The following OTOA variants were observed in gnomAD, a reference collection of about 807,000 sequenced individuals.
OTOA encodes the protein cancer/testis antigen 108.
Under a neutral mutation model 110.8 loss-of-function variants are expected in OTOA, and 70 were observed. That is an observed-to-expected ratio of 0.63 (90% CI 0.52 to 0.77). OTOA has a LOEUF of 0.77. Among genes scored for constraint, OTOA ranks in the 30% least tolerant of loss-of-function variants. The pLI is 0.00. For missense variants in OTOA, 917 were observed against 1,075.8 expected, an observed-to-expected ratio of 0.85 and a Z score of 2.06; for synonymous variants, 373 against 431.5, an observed-to-expected ratio of 0.86 and a Z score of 1.68.
chr16:21,689,382 T>C (rs999830309), intron 8 of OTOA, among the ~76,000 whole-genome samples: 2 of 152,146 alleles, frequency 1.3e-5, no homozygotes, highest in African/African-American at 4.8e-5. Flanking sequence ...TATTATACTA[T>C]TCCTTTTAAA....
chr16:21,707,625 CTT>C (rs985455327), intron 12 of OTOA, among the ~76,000 whole-genome samples: 1 of 95,424 alleles, frequency 1.0e-5, no homozygotes, highest in African/African-American at 3.1e-5. Flanking sequence ...TTCTTTCTTT[CTT>C]TCTTTCTTTC....
At chr16:21,716,849 T>C in intron 14 of OTOA, 58 bp from the exon 15 acceptor site, 1 of 1,607,404 alleles carries the variant, frequency 6.2e-7, no homozygotes, top group Non-Finnish European at 8.5e-7. Flanking sequence ...GCCTGGCCCT[T>C]CCTCAAAGCT....
chr16:21,695,224 A>AC lies in OTOA; in HGVS notation c.740-2539dup, dbSNP rs34769468. On this transcript the variant is annotated intron_variant, in intron 9 of 28. Transcript: ENST00000646100. ...AGGCCAGCCTGGGCAATGTAGTGAG[A>AC]CCCCCCCCCCCCATACAAAAAAATT... is the stretch of plus-strand genomic sequence containing the variant. 8.1e-3 allele frequency among the ~76,000 whole-genome samples: 1,037 copies of AC among 128,460 alleles called. 8 individuals carry two copies. Among genetic ancestry groups the AC allele is most frequent in the African/African-American group, 0.024 (780 of 32,742 alleles). The allele number at this position is 128,460 out of a possible 152,430, so 84.3% of individuals were successfully genotyped here. A position where few individuals can be genotyped will look rare whatever the true frequency, so the allele number is the denominator to read the frequency against.
At chr16:21,753,000 AC>A (rs751596072) in intron 26 of OTOA, 26 bp from the exon 27 acceptor site, 1 of 794,960 alleles carries the variant, frequency 1.3e-6, no homozygotes, top group South Asian at 1.4e-5. Flanking sequence ...CTTGAACTAA[AC>A]CCCCGTGATT....
At chr16:21,678,969 A>G in intron 3 of OTOA, 26 bp downstream of exon 3, 1 of 1,613,938 alleles carries the variant, frequency 6.2e-7, no homozygotes, top group African/African-American at 1.3e-5. Flanking sequence ...TCTGTTAATC[A>G]GAGTCCCCTC....
chr16:21,720,380 C>G (rs1033708857), intron 17 of OTOA, among the ~76,000 whole-genome samples: 3 of 152,196 alleles, frequency 2.0e-5, no homozygotes, highest in Admixed American at 6.5e-5. Flanking sequence ...CAACTCTGGC[C>G]TTGTGTTTCA....
chr16:21,697,907 A>G, intron 10 of OTOA, 32 bp downstream of exon 10: 1 of 1,537,024 alleles, frequency 6.5e-7, no homozygotes, highest in Non-Finnish European at 9.0e-7. Flanking sequence ...ATATGTCACC[A>G]TTACTAATAC....
At chr16:21,707,645 CTTTCTTTCTT>C (rs1038618624) in intron 12 of OTOA, among the ~76,000 whole-genome samples, 17 of 104,124 alleles carry the variant, frequency 1.6e-4, no homozygotes, top group South Asian at 3.0e-4. Context: ...TTCTTTCTTT[CTTTCTTTCTT>C]TCTCTTTCTT....
chr16:21,676,962 G>T (rs2141651126), intron 1 of OTOA, among the ~76,000 whole-genome samples: 1 of 152,292 alleles, frequency 6.6e-6, no homozygotes, highest in South Asian at 2.1e-4. Context: ...ACATATTTCA[G>T]CCAGCTTTTT....
chr16:21,695,891 A>ATATATATATATATATATTTTTTTT (rs569493650), intron 9 of OTOA, among the ~76,000 whole-genome samples: 2 of 41,904 alleles, frequency 4.8e-5, no homozygotes, highest in African/African-American at 2.9e-4. Context: ...ATATATATAT[A>ATATATATATATATATATTTTTTTT]TTTTTTTTTT....
chr16:21,717,070 G>C (rs371668838), intron 15 of OTOA, 23 bp downstream of exon 15: 4 of 1,613,534 alleles, frequency 2.5e-6, no homozygotes, highest in Non-Finnish European at 3.4e-6. Context: ...AACACAGATC[G>C]ATCCTGTATT....
Position 21,759,688 on chromosome 16 carries a change from G to A in OTOA, c.3350-782G>A, listed in dbSNP as rs1004844727. ...GGCTGAGGCAGGTGGATCACTTGGGGTTAGAAATTTGAGATGAGCCTGGCC... is the reference window on the plus strand; with the variant it reads ...GGCTGAGGCAGGTGGATCACTTGGGATTAGAAATTTGAGATGAGCCTGGCC... On this transcript the variant is annotated intron_variant, in intron 28 of 28. Transcript: ENST00000646100. Among the ~76,000 whole-genome samples the A allele has an allele frequency of 2.6e-4, 40 of 152,044 alleles. 1 individual carries two copies. The highest frequency in any genetic ancestry group is 9.2e-4 in the African/African-American group (38 of 41,358).
intron 12 of OTOA, among the ~76,000 whole-genome samples, chr16:21,706,047 G>A (rs1898160241): frequency 6.6e-6 from 1 of 152,014 alleles, no homozygotes; most frequent in African/African-American, 2.4e-5. Flanking sequence ...CTATGATAGT[G>A]ACTTTGCACT....
chr16:21,699,717 A>G (rs1345886141), intron 10 of OTOA, among the ~76,000 whole-genome samples: 1 of 152,036 alleles, frequency 6.6e-6, no homozygotes, highest in African/African-American at 2.4e-5. Context: ...TCAGGTGTTC[A>G]AGACCAGCCT....
At chr16:21,708,206 A>G (rs1898250485) in intron 12 of OTOA, among the ~76,000 whole-genome samples, 1 of 152,186 alleles carries the variant, frequency 6.6e-6, no homozygotes, top group African/African-American at 2.4e-5. Flanking sequence ...AGACGGTCCC[A>G]TCTGGGGGTG....
Position 21,705,987 on chromosome 16 carries a change from G to A in OTOA, c.1104+695G>A, listed in dbSNP as rs147602117. On this transcript the variant is annotated intron_variant, in intron 12 of 28. Coordinates refer to ENST00000646100, the MANE Select transcript of OTOA (RefSeq NM_144672.4). ...TGCCTATAGTGCCAGCTACTTGGGAGGCTGAGGTAGGAGGATCGCTTGAGC... is the reference window on the plus strand; with the variant it reads ...TGCCTATAGTGCCAGCTACTTGGGAAGCTGAGGTAGGAGGATCGCTTGAGC... Among the ~76,000 whole-genome samples the A allele has an allele frequency of 1.7e-3, 259 of 152,052 alleles. 1 individual carries two copies. The highest frequency in any genetic ancestry group is 5.4e-3 in the Admixed American group (83 of 15,274).
Position 21,705,256 on chromosome 16 carries a change from C to T in OTOA, c.1068C>T (p.Cys356=), listed in dbSNP as rs772618126. Residue 356 remains cysteine, a synonymous_variant, in exon 12 of 29, where the codon TGC becomes TGT. Transcript: ENST00000646100. ...TCCTGCTTTACCAGATGATCAAGTG[C>T]AGCCACCTGAGGGGCTTCCAGGCTG... is the stretch of plus-strand genomic sequence containing the variant. ...AQVLLYQMIK[C]SHLRGFQAGV... is the part of the protein sequence containing the mutation. 1 of 1,614,122 alleles carries T rather than the reference C, an allele frequency of 6.2e-7. No homozygotes were observed. The highest frequency in any genetic ancestry group is 1.1e-5 in the South Asian group (1 of 91,082).
intron 20 of OTOA, among the ~76,000 whole-genome samples, chr16:21,728,746 G>A (rs948433917): frequency 2.0e-5 from 3 of 151,764 alleles, no homozygotes; most frequent in East Asian, 2.0e-4. Context: ...GTGCCACCAC[G>A]CCCAGCTATT....
intron 6 of OTOA, among the ~76,000 whole-genome samples, chr16:21,684,812 C>T (rs552315481): frequency 1.9e-4 from 29 of 150,760 alleles, no homozygotes; most frequent in African/African-American, 6.1e-4. Context: ...AGTGCAGTGG[C>T]GTGATCTCGG....
Sources: gnomAD v4.1 joint callset for allele counts (sites outside exome capture counted in the v4.1 genomes callset) on GRCh38, gnomAD v4.1.1 for gene constraint, MANE v1.5 for transcripts, NCBI Gene and HGNC (gene_info 2026-07-23, HGNC 2026-07-21) for gene names.